TDP1: variants seen among roughly 807,000 people sequenced by gnomAD.
TDP1 encodes the protein tyr-DNA phosphodiesterase 1.
A neutral mutation model predicts 81.5 loss-of-function variants in TDP1; 64 were observed. The ratio of observed to expected loss-of-function variants is 0.79; its 90% confidence interval spans 0.64 to 0.97. TDP1 has a LOEUF of 0.97. Ranked by LOEUF, TDP1 falls within the 50% of genes least tolerant of loss-of-function variation. The pLI is 0.00. For synonymous variants in TDP1, 256 were observed against 264.3 expected (o/e 0.97, Z 0.30); for missense variants, 723 against 743.8 (o/e 0.97, Z 0.33).
intron 5 of TDP1, chr14:89,970,633 C>T (rs1439781205): frequency 5.9e-6 from 1 of 170,232 alleles, no homozygotes; most frequent in Non-Finnish European, 1.2e-5. Context: ...CATTACCCCT[C>T]TGTATTACAA....
chr14:89,966,123 T>G, intron 3 of TDP1, 24 bp from the exon 4 acceptor site: 1 of 1,539,916 alleles, frequency 6.5e-7, no homozygotes, highest in Non-Finnish European at 9.0e-7. Flanking sequence ...GAGTGTGAAT[T>G]TGATATATGT....
intron 14 of TDP1, among the ~76,000 whole-genome samples, chr14:90,010,116 A>G (rs545076556): frequency 2.0e-5 from 3 of 151,982 alleles, no homozygotes; most frequent in South Asian, 2.1e-4. Flanking sequence ...AGATTTACAC[A>G]TGTTTGGACT....
intron 15 of TDP1, among the ~76,000 whole-genome samples, chr14:90,030,626 A>G (rs1190399464): frequency 6.6e-6 from 1 of 152,234 alleles, no homozygotes; most frequent in Non-Finnish European, 1.5e-5. Flanking sequence ...TTATGCAGAA[A>G]CTTATAAAGG....
intron 7 of TDP1, among the ~76,000 whole-genome samples, chr14:89,978,310 A>G (rs140082905): frequency 5.4e-4 from 83 of 152,326 alleles, no homozygotes; most frequent in African/African-American, 1.9e-3. Flanking sequence ...TCCCTGTTAA[A>G]TGTCCAGCTG....
intron 10 of TDP1, among the ~76,000 whole-genome samples, chr14:89,987,866 G>A (rs1881949093): frequency 6.6e-6 from 1 of 152,060 alleles, no homozygotes. Context: ...AAAAATAATT[G>A]AAAAAATACA....
At chr14:89,988,437 T>C in intron 10 of TDP1, 1 of 248,056 alleles carries the variant, frequency 4.0e-6, no homozygotes, top group Non-Finnish European at 6.4e-6. Flanking sequence ...CAGCCATCAG[T>C]CTCATTAACA....
rs1566849408 is a variant in TDP1, at chr14:89,967,404, A to C, written c.641A>C (p.Gln214Pro). 6.2e-7 allele frequency: 1 copy of C among 1,614,102 alleles called. No homozygotes were observed. Among genetic ancestry groups the C allele is most frequent in the African/African-American group, 1.3e-5 (1 of 75,058 alleles). ...TTTGACGTGGACTGGCTCGTAAAAC[A>C]GTATCCACCAGAGTTCAGGTGAGTT... is the stretch of plus-strand genomic sequence containing the variant. ...YCFDVDWLVKQYPPEFRKKPI... is the reference protein window; with the variant it reads ...YCFDVDWLVKPYPPEFRKKPI... Residue 214 changes from glutamine to proline, a missense_variant, in exon 5 of 17, where the codon CAG becomes CCG. Gln to Pro is a moderately conservative substitution (Grantham distance 76). Transcript: ENST00000335725.
At position 89,981,992 on chromosome 14, in the gene TDP1, C is replaced by G. The variant is rs190565612; in HGVS notation, c.884+1360C>G. ...TACATCTTAGTTTGAGCTGAAATAG[C>G]TTTCCAGTTTCCTTCAACAGGTCTT... On this transcript the variant is annotated intron_variant, in intron 8 of 16. Transcript: ENST00000335725. 1.9e-3 allele frequency among the ~76,000 whole-genome samples: 285 copies of G among 152,224 alleles called. 4 individuals carry two copies. Among genetic ancestry groups the G allele is most frequent in the Admixed American group, 0.018 (268 of 15,288 alleles).
intron 7 of TDP1, chr14:89,980,335 T>A: frequency 1.0e-6 from 1 of 983,840 alleles, no homozygotes; most frequent in Non-Finnish European, 1.2e-6. Flanking sequence ...CACCAAATAC[T>A]CAACCTTTCT....
chr14:90,019,013 A>G, intron 14 of TDP1: 2 of 984,232 alleles, frequency 2.0e-6, no homozygotes, highest in African/African-American at 3.5e-5. Flanking sequence ...GGATCGTGAA[A>G]AGAAAAGGGG....
At chr14:89,968,657 T>G (rs549789744) in intron 5 of TDP1, among the ~76,000 whole-genome samples, 2 of 152,344 alleles carry the variant, frequency 1.3e-5, no homozygotes, top group East Asian at 1.9e-4. Context: ...AGAATGGCTG[T>G]CTGGAGGCAA....
intron 3 of TDP1, chr14:89,965,915 G>T (rs1264153705): frequency 1.3e-5 from 13 of 975,092 alleles, no homozygotes; most frequent in Non-Finnish European, 1.6e-5. Context: ...TGAAGTTGTA[G>T]ATTTTGGTTT....
intron 9 of TDP1, 107 bp downstream of exon 9, chr14:89,984,790 C>G: frequency 6.3e-7 from 1 of 1,596,586 alleles, no homozygotes; most frequent in Non-Finnish European, 8.5e-7. Context: ...TGAAATCTAG[C>G]CAAGCTTCAG....
chr14:90,019,049 A>G (rs1885653236), intron 14 of TDP1: 1 of 984,458 alleles, frequency 1.0e-6, no homozygotes, highest in South Asian at 4.7e-5. Flanking sequence ...AATAAAATCT[A>G]AGGAAAGATA....
chr14:89,997,974 A>G lies in TDP1; in HGVS notation c.1541+4491A>G, dbSNP rs184690959. ...TGGTGCTGGGAATTACACAAAAAGC[A>G]AAGAAGTGTGTTTATGTATGCAAAT... On this transcript the variant is annotated intron_variant, in intron 14 of 16. Transcript: ENST00000335725. Among the ~76,000 whole-genome samples the G allele has an allele frequency of 9.1e-4, 138 of 152,354 alleles. 1 individual carries two copies. Among genetic ancestry groups the G allele is most frequent in the African/African-American group, 3.2e-3 (134 of 41,582 alleles).
chr14:90,042,811 T>C (rs775089582), intron 16 of TDP1: 14 of 928,170 alleles, frequency 1.5e-5, no homozygotes, highest in Non-Finnish European at 1.7e-5. Context: ...GTGGGAATTA[T>C]GAGAGCTGCA....
At chr14:89,998,432 G>GTATATATA (rs1896897514) in intron 14 of TDP1, among the ~76,000 whole-genome samples, 7 of 109,936 alleles carry the variant, frequency 6.4e-5, no homozygotes, top group African/African-American at 2.9e-4. Flanking sequence ...ATGTATGTAT[G>GTATATATA]TATGTATGTA....
intron 16 of TDP1, among the ~76,000 whole-genome samples, chr14:90,041,204 A>G (rs1368376647): frequency 6.6e-6 from 1 of 152,220 alleles, no homozygotes; most frequent in Non-Finnish European, 1.5e-5. Flanking sequence ...CCAAGCACAG[A>G]TGGAGTTTCC....
intron 4 of TDP1, 117 bp from the exon 5 acceptor site, chr14:89,967,250 A>G: frequency 2.3e-6 from 3 of 1,318,018 alleles, no homozygotes; most frequent in Non-Finnish European, 3.3e-6. Flanking sequence ...TATAAATAAT[A>G]CATGTAGTGT....
Sources: allele counts gnomAD v4.1 joint callset (sites outside exome capture counted in the v4.1 genomes callset), GRCh38; gene constraint gnomAD v4.1.1; transcripts MANE v1.5; gene names NCBI Gene and HGNC (gene_info 2026-07-23, HGNC 2026-07-21).